Variants in AGT observed in about 807,000 individuals in gnomAD.
The protein encoded by AGT is angiotensinogen.
Under a neutral mutation model 28.1 loss-of-function variants are expected in AGT, and 26 were observed. The ratio of observed to expected loss-of-function variants is 0.92; its 90% CI spans 0.68 to 1.28. The LOEUF is 1.28. AGT is among the 50% of genes most tolerant of loss of function. AGT has a pLI of 0.00. For synonymous variants in AGT, 259 were observed against 259.6 expected (o/e 1.00, Z 0.02); for missense variants, 596 against 592.3 (o/e 1.01, Z -0.06).
intron 1 of AGT, among the ~76,000 whole-genome samples, chr1:230,727,935 G>C (rs1488373687): frequency 6.6e-6 from 1 of 152,196 alleles, no homozygotes; most frequent in Non-Finnish European, 1.5e-5. Context: ...AGAGCCACCT[G>C]AACAGGACAC....
chr1:230,731,730 G>A (rs1664073023), intron 1 of AGT, among the ~76,000 whole-genome samples: 1 of 152,118 alleles, frequency 6.6e-6, no homozygotes, highest in South Asian at 2.1e-4. Flanking sequence ...AGCCAGGCAT[G>A]GTGGCACACA....
intron 1 of AGT, among the ~76,000 whole-genome samples, chr1:230,740,012 AG>A (rs565972564): frequency 5.1e-4 from 78 of 152,310 alleles, no homozygotes; most frequent in Middle Eastern, 6.8e-3. Context: ...GAGTATACTT[AG>A]GGTTATTTCT....
chr1:230,712,305 G>C (rs1425482806), intron 1 of AGT, among the ~76,000 whole-genome samples: 2 of 152,120 alleles, frequency 1.3e-5, no homozygotes, highest in Non-Finnish European at 2.9e-5. Context: ...CCCGTAACCA[G>C]CACCTGCCCT....
chr1:230,728,317 A>C (rs1457677831), intron 1 of AGT, among the ~76,000 whole-genome samples: 1 of 152,222 alleles, frequency 6.6e-6, no homozygotes. Context: ...ATCTCAGCAG[A>C]ATTCAGGCCC....
intron 1 of AGT, 45 bp downstream of exon 1, chr1:230,714,041 G>A (rs966372100): frequency 1.3e-5 from 2 of 152,198 alleles, no homozygotes; most frequent in African/African-American, 4.8e-5. Context: ...AGTTACATCT[G>A]AGAGAGACAA....
chr1:230,711,816 TA>T (rs58359338), intron 1 of AGT, among the ~76,000 whole-genome samples: 1,475 of 136,280 alleles, frequency 0.011, 4 homozygotes, highest in South Asian at 0.021. Context: ...GGACCACGTA[TA>T]AAAAAAAAAA....
intron 1 of AGT, among the ~76,000 whole-genome samples, chr1:230,733,838 A>G (rs1276996935): frequency 6.6e-6 from 1 of 152,100 alleles, no homozygotes; most frequent in Non-Finnish European, 1.5e-5. Context: ...CTGGTCTACC[A>G]GTCAGCCACT....
At position 230,706,005 on chromosome 1, in the gene AGT, G is replaced by A; in HGVS notation, c.1025C>T (p.Ser342Phe). Residue 342 changes from serine (S) to phenylalanine (F), a missense_variant, in exon 3 of 5, where the codon TCT becomes TTT. Coordinates refer to ENST00000366667, the MANE Select transcript of AGT (RefSeq NM_001384479.1). ...CLLLIQPHYA[S>F]DLDKVEGLTF... ...GAGACCCTCCACCTTGTCCAGGTCA[G>A]AGGCATAGTGAGGCTGGATCAGCAG... 6.2e-7 allele frequency: 1 copy of A among 1,614,190 alleles called. No individual in the cohort carries two copies. Among genetic ancestry groups the A allele is most frequent in the Non-Finnish European group, 8.5e-7 (1 of 1,180,026 alleles).
At chr1:230,721,030 G>A (rs963101036) in intron 1 of AGT, among the ~76,000 whole-genome samples, 3 of 152,250 alleles carry the variant, frequency 2.0e-5, no homozygotes, top group Admixed American at 6.5e-5. Flanking sequence ...GACAGGTAGT[G>A]TGCCCCAAGC....
chr1:230,703,321 G>A lies in AGT; in HGVS notation c.1251C>T (p.Asn417=), dbSNP rs1001879661. The A allele has an allele frequency of 6.2e-6, 10 of 1,614,078 alleles. No homozygotes were observed. In the Admixed American group the frequency reaches 6.7e-5, roughly 11 times the overall value. Residue 417 remains asparagine, a synonymous_variant, in exon 5 of 5, where the codon AAC becomes AAT. Coordinates refer to ENST00000366667, the MANE Select transcript of AGT (RefSeq NM_001384479.1). The part of the protein sequence containing the change: ...NDRIRVGEVL[N]SIFFELEADE... ...CCGCTTCAAGCTCAAAAAAAATGCT[G>A]TTCAGCACCTGCAAAGCAGCAGACA... is the stretch of plus-strand genomic sequence containing the variant.
At position 230,702,981 on chromosome 1, in the gene AGT, ACGG is replaced by A. The variant is rs1199646904; in HGVS notation, c.*157_*159del. ...TGCAGCACACTTAGACCAAGGAGAA[ACGG>A]CTGCTTTCCAGCTCAAAGTCGACTC... is the stretch of plus-strand genomic sequence containing the variant. On this transcript the variant is annotated 3_prime_UTR_variant, in exon 5 of 5. Coordinates refer to ENST00000366667, the MANE Select transcript of AGT (RefSeq NM_001384479.1). 3.8e-6 allele frequency: 3 copies of A among 785,302 alleles called. No homozygotes were observed. In the African/African-American group the frequency reaches 5.2e-5, roughly 14 times the overall value. 48.6% of individuals were successfully genotyped at this position (785,302 alleles called of 1,614,324 possible).
rs1162543271 is a variant in AGT, at chr1:230,704,198, C to A, written c.1237G>T (p.Gly413Trp). 5 of 1,614,266 alleles carry A rather than the reference C, an allele frequency of 3.1e-6. No individual in the cohort carries two copies. Among genetic ancestry groups the A allele is most frequent in the Non-Finnish European group, 4.2e-6 (5 of 1,180,042 alleles). Residue 413 changes from glycine (G) to tryptophan (W), a missense_variant, in exon 4 of 5, where the codon GGG becomes TGG. Transcript: ENST00000366667. ...AGACACAGGCTCACACATACCTCCC[C>A]CACCCTGATGCGGTCATTGCTCAAT... ...QKLSNDRIRV[G>W]EVLNSIFFEL...
chr1:230,709,909 C>G, intron 2 of AGT, 86 bp downstream of exon 2: 1 of 1,589,322 alleles, frequency 6.3e-7, no homozygotes, highest in Non-Finnish European at 8.6e-7. Flanking sequence ...TGCCCCCTGC[C>G]CATCTCCAAG....
chr1:230,715,250 A>C (rs1189796617), upstream of AGT, among the ~76,000 whole-genome samples: 1 of 152,228 alleles, frequency 6.6e-6, no homozygotes, highest in Non-Finnish European at 1.5e-5. Flanking sequence ...CATTTAAAAA[A>C]ATCATATCTC....
At chr1:230,745,548 C>T (rs955043190) in exon 1 of AGT, among the ~76,000 whole-genome samples, 2 of 152,212 alleles carry the variant, frequency 1.3e-5, no homozygotes, top group Admixed American at 6.5e-5. Flanking sequence ...GATCAAGGCA[C>T]TGGCAGATTC....
chr1:230,726,806 T>G (rs1386971323), intron 1 of AGT, among the ~76,000 whole-genome samples: 1 of 152,192 alleles, frequency 6.6e-6, no homozygotes, highest in East Asian at 1.9e-4. Flanking sequence ...TCCTCCTGTC[T>G]GCAGATTTGT....
upstream of AGT, among the ~76,000 whole-genome samples, chr1:230,717,513 G>A (rs1162375125): frequency 1.3e-5 from 2 of 152,288 alleles, no homozygotes; most frequent in African/African-American, 4.8e-5. Context: ...ACAGGAATGG[G>A]GTTTCCATTT....
intron 1 of AGT, among the ~76,000 whole-genome samples, chr1:230,740,054 T>C (rs1274437358): frequency 2.0e-5 from 3 of 152,202 alleles, no homozygotes; most frequent in Non-Finnish European, 2.9e-5. Context: ...GGTGGATTAT[T>C]CATGAGTTTA....
chr1:230,724,938 A>G (rs1445419388), intron 1 of AGT, among the ~76,000 whole-genome samples: 1 of 152,224 alleles, frequency 6.6e-6, no homozygotes, highest in Non-Finnish European at 1.5e-5. Flanking sequence ...GAAACTTTGG[A>G]TCTGGCCATA....
Sources: gnomAD v4.1 joint callset for allele counts (sites outside exome capture counted in the v4.1 genomes callset) on GRCh38, gnomAD v4.1.1 for gene constraint, MANE v1.5 for transcripts, NCBI Gene and HGNC (gene_info 2026-07-23, HGNC 2026-07-21) for gene names.